Variants in PCDHGC3 observed in about 807,000 individuals in gnomAD.
PCDHGC3 encodes protocadherin gamma-C3.
Under a neutral mutation model 59.2 loss-of-function variants are expected in PCDHGC3, and 26 were observed. That is an observed-to-expected ratio of 0.44 (90% confidence interval 0.32 to 0.61). The LOEUF is 0.61. Among genes scored for constraint, PCDHGC3 ranks in the 20% least tolerant of loss-of-function variants. The pLI, the probability that PCDHGC3 is intolerant of heterozygous loss-of-function variation, is 0.05. For synonymous variants in PCDHGC3, 487 were observed against 519.7 expected, an observed-to-expected ratio of 0.94 and a Z score of 0.86; for missense variants, 1,080 against 1,221.8, an observed-to-expected ratio of 0.88 and a Z score of 1.73.
rs1335023784 is a variant in PCDHGC3 at position 141,490,877 on chromosome 5, C to CCAA, written c.2431-3927_2431-3925dup. 2.5e-6 allele frequency: 4 copies of CCAA among 1,613,762 alleles called. No homozygotes were observed. Among genetic ancestry groups the CCAA allele is most frequent in the Non-Finnish European group, 3.4e-6 (4 of 1,179,908 alleles). On this transcript the variant is annotated intron_variant, in intron 1 of 3. Transcript: ENST00000308177. This position sits in a 1 kb window ranked among gnomAD's most constrained non-coding sequence, Gnocchi z 5.4. ...GACTCCGGCTCTCCCCCATTGCATG[C>CCAA]CAACACATCTCTGCATGTGTTTGTC...
chr5:141,496,126 C>T (rs934132550), intron 2 of PCDHGC3, among the ~76,000 whole-genome samples: 2 of 152,062 alleles, frequency 1.3e-5, no homozygotes, highest in African/African-American at 4.8e-5. Context: ...CCCTGCCCCT[C>T]ACACACTGAG....
chr5:141,512,712 A>G lies in PCDHGC3; in HGVS notation c.*1539A>G, dbSNP rs1362654237. 1 of 152,806 alleles carries G rather than the reference A, an allele frequency of 6.5e-6. No homozygotes were observed. The highest frequency in any genetic ancestry group is 2.4e-5 in the African/African-American group (1 of 41,414). 9.5% of individuals were successfully genotyped at this position (152,806 alleles called of 1,614,324 possible). On this transcript the variant is annotated 3_prime_UTR_variant, in exon 4 of 4. Coordinates refer to ENST00000308177, the MANE Select transcript of PCDHGC3 (RefSeq NM_002588.4). Reference sequence around the variant, plus strand: ...GTGTAGTGCGGTGTGCTTTTACGTGATGGCGGGTGGGCAGCGGGCGGCGGG... The same window carrying G: ...GTGTAGTGCGGTGTGCTTTTACGTGGTGGCGGGTGGGCAGCGGGCGGCGGG...
rs188117490 is a variant in PCDHGC3 at position 141,507,256 on chromosome 5, C to G, written c.2578+1775C>G. 3 of 152,178 alleles carry G rather than the reference C, an allele frequency of 2.0e-5. No individual in the cohort carries two copies. In the East Asian group the frequency reaches 5.8e-4, roughly 29 times the overall value. The allele number at this position is 152,178 out of a possible 1,614,324, so 9.4% of individuals were successfully genotyped here. ...CAGTTACAGTTGAATGTCAGATAAA[C>G]AGCAAGTACTATTTCAGCATAAGTC... On this transcript the variant is annotated intron_variant, in intron 3 of 3. Coordinates refer to ENST00000308177, the MANE Select transcript of PCDHGC3 (RefSeq NM_002588.4).
At position 141,511,235 on chromosome 5, in the gene PCDHGC3, C is replaced by G; in HGVS notation, c.*62C>G. On this transcript the variant is annotated 3_prime_UTR_variant, in exon 4 of 4. Transcript: ENST00000308177. ...CCCCAACCAGCCCAGCTTCTCCTTA[C>G]CTGCACCCAGGCCTCAGAGTTTCAG... 2 of 1,592,936 alleles carry G rather than the reference C, an allele frequency of 1.3e-6. No homozygotes were observed. The highest frequency in any genetic ancestry group is 1.7e-6 in the Non-Finnish European group (2 of 1,169,652).
intron 1 of PCDHGC3, 148 bp from the exon 2 acceptor site, chr5:141,494,659 T>C (rs749872848): frequency 2.3e-4 from 343 of 1,488,556 alleles, no homozygotes; most frequent in Non-Finnish European, 2.9e-4. Flanking sequence ...ATTTTGTCTT[T>C]GGAGATGAGT....
intron 1 of PCDHGC3, among the ~76,000 whole-genome samples, chr5:141,482,447 T>C (rs2099560010): frequency 6.7e-6 from 1 of 149,882 alleles, no homozygotes; most frequent in East Asian, 1.9e-4. Flanking sequence ...ATTCACCATT[T>C]ATTAGCATCC....
In PCDHGC3 at chr5:141,485,013, C is replaced by A. The variant is rs551059588; in HGVS notation, c.2430+6467C>A. ...GTGAAAGGCAGACAAATCTACCCCG[C>A]CACCAGCAAAAACGGCGCGTAACCC... On this transcript the variant is annotated intron_variant, in intron 1 of 3. Coordinates refer to ENST00000308177, the MANE Select transcript of PCDHGC3 (RefSeq NM_002588.4). This position sits in a 1 kb window ranked among gnomAD's most constrained non-coding sequence, Gnocchi z 5.7. The A allele has an allele frequency of 6.3e-6, 4 of 634,556 alleles. No homozygotes were observed. Among genetic ancestry groups the A allele is most frequent in the South Asian group, 3.9e-5 (2 of 51,594 alleles). The allele number at this position is 634,556 out of a possible 1,614,324, so 39.3% of individuals were successfully genotyped here. A position where few individuals can be genotyped will look rare whatever the true frequency, so the allele number is the denominator to read the frequency against.
At chr5:141,507,563 G>A (rs2099861587) in intron 3 of PCDHGC3, among the ~76,000 whole-genome samples, 1 of 152,222 alleles carries the variant, frequency 6.6e-6, no homozygotes, top group Non-Finnish European at 1.5e-5. Flanking sequence ...CAGGCGGCTG[G>A]GTCTGAGGAG....
rs779750859 is a variant in PCDHGC3, at chr5:141,476,273, A to G, written c.157A>G (p.Asn53Asp). Residue 53 changes from asparagine to aspartate, a missense_variant, in exon 1 of 4, where the codon AAC becomes GAC. Transcript: ENST00000308177. The surrounding 1 kb of genome is among the most constrained non-coding windows in gnomAD (Gnocchi z 7.6). Reference sequence around the variant, plus strand: ...TTTCGCTGTGGGCAACGTGGTCGCGAACCTTGGTTTGGATCTCGGTAGCCT... The same window carrying G: ...TTTCGCTGTGGGCAACGTGGTCGCGGACCTTGGTTTGGATCTCGGTAGCCT... The part of the protein sequence containing the change: ...KGFAVGNVVA[N>D]LGLDLGSLSA... 6.2e-7 allele frequency: 1 copy of G among 1,613,964 alleles called. No individual in the cohort carries two copies. The highest frequency in any genetic ancestry group is 1.1e-5 in the South Asian group (1 of 91,064).
rs2099696598 is a variant in PCDHGC3, at chr5:141,490,144, A to C, written c.2431-4663A>C. The C allele has an allele frequency of 2.5e-6, 4 of 1,614,214 alleles. No homozygotes were observed. In the East Asian group the frequency reaches 6.7e-5, roughly 27 times the overall value. ...TGGCCTAGACCCTAGCAGTGGGGCA[A>C]TCCATGTGTTGGGTCCCATAGACTT... On this transcript the variant is annotated intron_variant, in intron 1 of 3. Transcript: ENST00000308177. The surrounding 1 kb of genome is among the most constrained non-coding windows in gnomAD (Gnocchi z 5.4).
intron 2 of PCDHGC3, among the ~76,000 whole-genome samples, chr5:141,500,329 C>G (rs1384834356): frequency 6.6e-6 from 1 of 151,986 alleles, no homozygotes; most frequent in Non-Finnish European, 1.5e-5. Flanking sequence ...CTGCCTCAGC[C>G]TCCAGAATAG....
chr5:141,509,148 C>T (rs1345910772), intron 3 of PCDHGC3, among the ~76,000 whole-genome samples: 1 of 152,198 alleles, frequency 6.6e-6, no homozygotes, highest in Non-Finnish European at 1.5e-5. Context: ...CATCCCGGCT[C>T]TCCCCTCCCG....
chr5:141,489,894 G>T lies in PCDHGC3; in HGVS notation c.2431-4913G>T. 1.2e-6 allele frequency: 2 copies of T among 1,614,204 alleles called. No homozygotes were observed. Among genetic ancestry groups the T allele is most frequent in the Non-Finnish European group, 1.7e-6 (2 of 1,180,028 alleles). The stretch of plus-strand genomic sequence containing the variant: ...TGGTGCTTACTGCTGTGGATGGGGG[G>T]ACCCCAGCCCGCTCAGGGACCACCC... On this transcript the variant is annotated intron_variant, in intron 1 of 3. Transcript: ENST00000308177. The surrounding 1 kb of genome is among the most constrained non-coding windows in gnomAD (Gnocchi z 4.5).
Position 141,501,330 on chromosome 5 carries a change from CA to C in PCDHGC3, c.2490-4062del, listed in dbSNP as rs1562200936. 1.8e-3 allele frequency among the ~76,000 whole-genome samples: 266 copies of C among 151,500 alleles called. 1 individual carries two copies. Among genetic ancestry groups the C allele is most frequent in the African/African-American group, 5.1e-3 (210 of 41,250 alleles). On this transcript the variant is annotated intron_variant, in intron 2 of 3. Transcript: ENST00000308177. ...ACACACACACACACACACACACACACACACCCCAAACTCAATAGGGCAAGAA... is the reference window on the plus strand; with the variant it reads ...ACACACACACACACACACACACACACCACCCCAAACTCAATAGGGCAAGAA...
chr5:141,497,385 C>T (rs2154592097), intron 2 of PCDHGC3, among the ~76,000 whole-genome samples: 1 of 152,212 alleles, frequency 6.6e-6, no homozygotes, highest in African/African-American at 2.4e-5. Flanking sequence ...GGGGTGAGCA[C>T]CTTACCCCTG....
In PCDHGC3 at chr5:141,511,161, G is replaced by A; in HGVS notation, c.2793G>A (p.Lys931=). 1 of 1,614,176 alleles carries A rather than the reference G, an allele frequency of 6.2e-7. No individual in the cohort carries two copies. The highest frequency in any genetic ancestry group is 8.5e-7 in the Non-Finnish European group (1 of 1,180,010). ...GNGNKKKSGK[K]EKK ...GCAACAAGAAGAAGTCGGGCAAGAA[G>A]GAGAAGAAGTAACATGGAGGCCAGG... Residue 931 remains lysine, a synonymous_variant, in exon 4 of 4, where the codon AAG becomes AAA. Transcript: ENST00000308177.
At position 141,476,090 on chromosome 5, in the gene PCDHGC3, C is replaced by T; in HGVS notation, c.-27C>T. On this transcript the variant is annotated 5_prime_UTR_variant, in exon 1 of 4. Coordinates refer to ENST00000308177, the MANE Select transcript of PCDHGC3 (RefSeq NM_002588.4). The surrounding 1 kb of genome is among the most constrained non-coding windows in gnomAD (Gnocchi z 7.6). ...GAAATCTCAGGGACGATCTGGACCC[C>T]GCTGAGAGGAACTGCTTTTGAGTGA... 3 of 1,562,222 alleles carry T rather than the reference C, an allele frequency of 1.9e-6. No individual in the cohort carries two copies. Among genetic ancestry groups the T allele is most frequent in the African/African-American group, 1.4e-5 (1 of 73,764 alleles).
Position 141,489,978 on chromosome 5 carries a change from T to C in PCDHGC3, c.2431-4829T>C. 6.2e-7 allele frequency: 1 copy of C among 1,614,192 alleles called. No homozygotes were observed. Among genetic ancestry groups the C allele is most frequent in the Non-Finnish European group, 8.5e-7 (1 of 1,180,012 alleles). On this transcript the variant is annotated intron_variant, in intron 1 of 3. Coordinates refer to ENST00000308177, the MANE Select transcript of PCDHGC3 (RefSeq NM_002588.4). The surrounding 1 kb of genome is among the most constrained non-coding windows in gnomAD (Gnocchi z 4.5). ...ATGCTCCAACCTTCCAATCCTCAGT[T>C]CTACGTGTGGGAATCCCAGAGAATG...
Position 141,476,540 on chromosome 5 carries a change from T to C in PCDHGC3, c.424T>C (p.Leu142=), listed in dbSNP as rs148362631. Residue 142 remains leucine (L), a synonymous_variant, in exon 1 of 4, where the codon TTG becomes CTG. Coordinates refer to ENST00000308177, the MANE Select transcript of PCDHGC3 (RefSeq NM_002588.4). The surrounding 1 kb of genome is among the most constrained non-coding windows in gnomAD (Gnocchi z 7.6). Reference sequence around the variant, plus strand: ...TGCTTTCCCTACCCAGGAAATGAAATTGGAGATTAGCGAGGCCGTGGCTCC... The same window carrying C: ...TGCTTTCCCTACCCAGGAAATGAAACTGGAGATTAGCGAGGCCGTGGCTCC... ...NPAFPTQEMK[L]EISEAVAPGT... is the part of the protein sequence containing the mutation. 9.4e-5 allele frequency: 151 copies of C among 1,614,122 alleles called. 1 individual carries two copies. In the African/African-American group the frequency reaches 1.3e-3, roughly 14 times the overall value.
Sources: gnomAD v4.1 joint callset for allele counts (sites outside exome capture counted in the v4.1 genomes callset) on GRCh38, gnomAD v4.1.1 for gene constraint, Gnocchi (gnomAD v3.1) non-coding constraint, MANE v1.5 for transcripts, NCBI Gene and HGNC (gene_info 2026-07-23, HGNC 2026-07-21) for gene names.